ELL2: variants seen among roughly 807,000 people sequenced by gnomAD.
ELL2 encodes the protein RNA polymerase II elongation factor ELL2.
ELL2 carries 21 observed loss-of-function variants against 72.8 expected under a neutral mutation model. That is an observed-to-expected ratio of 0.29 (90% CI 0.20 to 0.42). ELL2 has a LOEUF of 0.42. ELL2 is among the 10% of genes least tolerant of loss of function. The pLI, the probability that ELL2 is intolerant of heterozygous loss-of-function variation, is 1.00. For missense variants in ELL2, 568 were observed against 772.8 expected, an observed-to-expected ratio of 0.73 and a Z score of 3.14; for synonymous variants, 266 against 283.2, an observed-to-expected ratio of 0.94 and a Z score of 0.61.
intron 2 of ELL2, among the ~76,000 whole-genome samples, chr5:95,942,046 C>T (rs969781231): frequency 6.6e-6 from 1 of 152,190 alleles, no homozygotes; most frequent in Non-Finnish European, 1.5e-5. Context: ...GTAAGCATTA[C>T]AAAACACATT....
chr5:95,919,267 C>T (rs1260426091), intron 3 of ELL2, among the ~76,000 whole-genome samples, 157 bp downstream of exon 3: 1 of 152,158 alleles, frequency 6.6e-6, no homozygotes, highest in East Asian at 1.9e-4. Flanking sequence ...TTCTATTACA[C>T]AGTAGGTGCT....
At chr5:95,940,778 G>C (rs1009100251) in intron 2 of ELL2, among the ~76,000 whole-genome samples, 2 of 152,138 alleles carry the variant, frequency 1.3e-5, no homozygotes, top group African/African-American at 4.8e-5. Flanking sequence ...TCTTCAGAGA[G>C]GATTTAAAGC....
At chr5:95,920,018 T>A (rs1199111117) in intron 2 of ELL2, among the ~76,000 whole-genome samples, 1 of 152,124 alleles carries the variant, frequency 6.6e-6, no homozygotes, top group Non-Finnish European at 1.5e-5. Context: ...AAAACACATT[T>A]CATTTTAATT....
intron 4 of ELL2, among the ~76,000 whole-genome samples, chr5:95,909,860 T>C (rs1487634609): frequency 1.3e-5 from 2 of 152,210 alleles, no homozygotes; most frequent in Non-Finnish European, 2.9e-5. Flanking sequence ...GAAAGGAAGG[T>C]GTTAAAACAT....
chr5:95,934,568 C>T (rs1176006993), intron 2 of ELL2, among the ~76,000 whole-genome samples: 1 of 152,252 alleles, frequency 6.6e-6, no homozygotes, highest in Admixed American at 6.5e-5. Flanking sequence ...ACCAGCAACT[C>T]TGCCTGCACC....
chr5:95,957,647 G>A (rs1447565054), intron 1 of ELL2, among the ~76,000 whole-genome samples: 1 of 152,018 alleles, frequency 6.6e-6, no homozygotes, highest in African/African-American at 2.4e-5. Flanking sequence ...CTCATTGCTG[G>A]ACTCACAATG....
intron 1 of ELL2, among the ~76,000 whole-genome samples, chr5:95,956,384 G>A (rs1751628767): frequency 1.3e-5 from 2 of 152,204 alleles, no homozygotes; most frequent in African/African-American, 2.4e-5. Flanking sequence ...ATGGGTCTAA[G>A]TTAAAAGTCA....
rs530114399 is a variant in ELL2 at position 95,892,341 on chromosome 5, T to G, written c.1590-1067A>C. Among the ~76,000 whole-genome samples, 16 of 152,256 alleles carry G rather than the reference T, an allele frequency of 1.1e-4. 1 individual carries two copies. In the South Asian group the frequency reaches 3.3e-3, roughly 32 times the overall value. ...TTTGTATTTTTAGTAGAGACAGGGT[T>G]TCGTCATGTTGCCCAGTCTGGTCTC... On this transcript the variant is annotated intron_variant, in intron 9 of 11. Coordinates refer to ENST00000237853, the MANE Select transcript of ELL2 (RefSeq NM_012081.6).
chr5:95,918,826 C>T (rs3777187), intron 3 of ELL2, among the ~76,000 whole-genome samples: 10,330 of 151,130 alleles, frequency 0.068, 810 homozygotes, highest in East Asian at 0.43. Flanking sequence ...AGTAGATAAG[C>T]GTCCCATGGT....
chr5:95,900,831 A>C, intron 6 of ELL2, 51 bp from the exon 7 acceptor site: 1 of 1,568,320 alleles, frequency 6.4e-7, no homozygotes, highest in Non-Finnish European at 8.6e-7. Flanking sequence ...AAAAATGTTC[A>C]TGATAGAAAG....
intron 5 of ELL2, 47 bp from the exon 6 acceptor site, chr5:95,901,127 C>T: frequency 6.4e-7 from 1 of 1,554,378 alleles, no homozygotes; most frequent in Admixed American, 2.2e-5. Flanking sequence ...TTACTATCAT[C>T]TCCTAACCTA....
At chr5:95,947,208 A>G (rs74832244) in intron 1 of ELL2, among the ~76,000 whole-genome samples, 2 of 152,156 alleles carry the variant, frequency 1.3e-5, no homozygotes, top group African/African-American at 2.4e-5. Context: ...AAAAAAAAAA[A>G]GTATTGTAAA....
chr5:95,910,464 ATATCAGTGTTTACCAC>A (rs1749546518), intron 4 of ELL2, among the ~76,000 whole-genome samples: 1 of 151,564 alleles, frequency 6.6e-6, no homozygotes, highest in African/African-American at 2.4e-5. Context: ...TTTTTTTTTT[ATATCAGTGTTTACCAC>A]TGATATAAAT....
rs766830868 is a variant in ELL2, at chr5:95,961,638, G to A, written c.84C>T (p.Thr28=). The A allele has an allele frequency of 8.1e-6, 13 of 1,610,228 alleles. No homozygotes were observed. The highest frequency in any genetic ancestry group is 1.7e-5 in the Admixed American group (1 of 59,838). The change falls in exon 1 of 12, where the codon ACC becomes ACT. Residue 28 remains threonine, a synonymous_variant. Transcript: ENST00000237853. ...SCGRLGQDNI[T]VLHVKLTETA... is the part of the protein sequence containing the mutation. ...TCTCGGTGAGCTTCACATGCAGTAC[G>A]GTGATGTTGTCCTGCCCCAGCCGTC...
At chr5:95,920,344 T>A (rs1346681730) in intron 2 of ELL2, among the ~76,000 whole-genome samples, 1 of 151,536 alleles carries the variant, frequency 6.6e-6, no homozygotes. Flanking sequence ...GGAGTCTCGC[T>A]CTGTTGCCCA....
intron 2 of ELL2, among the ~76,000 whole-genome samples, chr5:95,939,931 A>G (rs769450637): frequency 6.6e-6 from 1 of 152,214 alleles, no homozygotes; most frequent in Non-Finnish European, 1.5e-5. Flanking sequence ...GCTGTTCTAG[A>G]GAGATTTATA....
chr5:95,931,387 G>A (rs1750594146), intron 2 of ELL2, among the ~76,000 whole-genome samples: 1 of 152,112 alleles, frequency 6.6e-6, no homozygotes, highest in African/African-American at 2.4e-5. Context: ...ATATTGGGGA[G>A]CTCCCACTCC....
intron 2 of ELL2, among the ~76,000 whole-genome samples, chr5:95,923,917 G>T (rs532812720): frequency 2.0e-5 from 3 of 152,152 alleles, no homozygotes; most frequent in Non-Finnish European, 2.9e-5. Flanking sequence ...GAATGAAATG[G>T]GTATATAAGG....
chr5:95,911,768 T>TAA (rs1220755796), intron 4 of ELL2, among the ~76,000 whole-genome samples: 1 of 152,102 alleles, frequency 6.6e-6, no homozygotes, highest in Non-Finnish European at 1.5e-5. Context: ...TAAGAAAAGA[T>TAA]AAAAGGAGCT....
Sources: allele counts gnomAD v4.1 joint callset (sites outside exome capture counted in the v4.1 genomes callset), GRCh38; gene constraint gnomAD v4.1.1; transcripts MANE v1.5; gene names NCBI Gene and HGNC (gene_info 2026-07-23, HGNC 2026-07-21).